Variants in PCDHA3 observed in about 807,000 individuals in gnomAD.
The protein encoded by PCDHA3 is protocadherin alpha-3.
A neutral mutation model predicts 62.2 loss-of-function variants in PCDHA3; 41 were observed. The ratio of observed to expected loss-of-function variants is 0.66; its 90% CI spans 0.51 to 0.86. The LOEUF (loss-of-function observed/expected upper bound fraction) is 0.86, where lower values mean the gene tolerates loss of function less well. Ranked by LOEUF, PCDHA3 falls within the 40% of genes least tolerant of loss-of-function variation. PCDHA3 has a pLI of 0.00. For synonymous variants in PCDHA3, 640 were observed against 555.4 expected, an observed-to-expected ratio of 1.15 and a Z score of -2.14; for missense variants, 1,304 against 1,241.2, an observed-to-expected ratio of 1.05 and a Z score of -0.76.
Position 140,832,211 on chromosome 5 carries a change from A to G in PCDHA3, c.2394+28620A>G, listed in dbSNP as rs143111478. 2.9e-3 allele frequency among the ~76,000 whole-genome samples: 436 copies of G among 152,312 alleles called. 3 individuals are homozygous for G. Among genetic ancestry groups the G allele is most frequent in the Middle Eastern group, 0.014 (4 of 294 alleles). Reference sequence around the variant, plus strand: ...CATTTAACCTGCTGAGTCCTCAGTGATTTCCTGGAGTTGGTTTTGACTTTT... The same window carrying G: ...CATTTAACCTGCTGAGTCCTCAGTGGTTTCCTGGAGTTGGTTTTGACTTTT... On this transcript the variant is annotated intron_variant, in intron 1 of 3. Coordinates refer to ENST00000522353, the MANE Select transcript of PCDHA3 (RefSeq NM_018906.3).
chr5:141,002,146 CT>C (rs2098061512), intron 3 of PCDHA3, among the ~76,000 whole-genome samples: 1 of 152,250 alleles, frequency 6.6e-6, no homozygotes, highest in Admixed American at 6.5e-5. Flanking sequence ...GCTGCACTGA[CT>C]TAGCAGAGTG....
intron 1 of PCDHA3, chr5:140,803,902 G>A (rs148942998): frequency 1.9e-5 from 10 of 521,974 alleles, no homozygotes; most frequent in Non-Finnish European, 3.4e-5. Flanking sequence ...ATTATTTAGA[G>A]AATCTGACTT....
chr5:140,977,564 A>G (rs2096766034), intron 1 of PCDHA3, among the ~76,000 whole-genome samples: 1 of 152,178 alleles, frequency 6.6e-6, no homozygotes, highest in African/African-American at 2.4e-5. Flanking sequence ...TTGCTAGCAG[A>G]TTGGTAGAAT....
chr5:140,803,714 A>C (rs782118084), intron 1 of PCDHA3, 123 bp downstream of exon 1: 1 of 1,505,762 alleles, frequency 6.6e-7, no homozygotes, highest in East Asian at 2.3e-5. Context: ...AGACTTTTCC[A>C]GTTTTGTGGT....
intron 1 of PCDHA3, among the ~76,000 whole-genome samples, chr5:140,818,377 G>A (rs2150101074): frequency 2.0e-5 from 3 of 152,204 alleles, no homozygotes; most frequent in Non-Finnish European, 2.9e-5. Context: ...AACTTGAATC[G>A]TGGCATTTTT....
chr5:140,842,983 C>T (rs1554139609), intron 1 of PCDHA3: 2 of 1,594,998 alleles, frequency 1.3e-6, no homozygotes, highest in East Asian at 2.2e-5. Context: ...TGCAGGTGTT[C>T]GTGCTGGACG....
At position 140,803,330 on chromosome 5, in the gene PCDHA3, G is replaced by C; in HGVS notation, c.2133G>C (p.Leu711Phe). ...CCATCTGCGCGGTGTCCAGTCTGTT[G>C]GTGCTCACACTGCTGCTATATACTG... ...IVAICAVSSL[L>F]VLTLLLYTAL... The change falls in exon 1 of 4, where the codon TTG becomes TTC. Residue 711 changes from leucine (L) to phenylalanine (F), a missense_variant. By Grantham distance (22) the Leu-to-Phe change is conservative. Transcript: ENST00000522353. 1.2e-6 allele frequency: 2 copies of C among 1,614,190 alleles called. No homozygotes were observed. The highest frequency in any genetic ancestry group is 1.7e-6 in the Non-Finnish European group (2 of 1,180,002).
chr5:140,823,502 T>A, intron 1 of PCDHA3: 23 of 1,613,260 alleles, frequency 1.4e-5, no homozygotes, highest in Non-Finnish European at 1.9e-5. Context: ...GGCGGCGCAG[T>A]GAGCGAGCTG....
chr5:140,961,255 C>G (rs1446798989), intron 1 of PCDHA3, among the ~76,000 whole-genome samples: 1 of 152,164 alleles, frequency 6.6e-6, no homozygotes, highest in African/African-American at 2.4e-5. Context: ...TCCGAAGCTC[C>G]AGGAAGCTTC....
At chr5:140,863,034 A>G (rs782534693) in intron 1 of PCDHA3, 1 of 557,696 alleles carries the variant, frequency 1.8e-6, no homozygotes, top group African/African-American at 1.9e-5. Context: ...CAACAGCTGC[A>G]TCTGTCAGCT....
At chr5:140,954,623 G>C (rs1277762311) in intron 1 of PCDHA3, among the ~76,000 whole-genome samples, 2 of 151,776 alleles carry the variant, frequency 1.3e-5, no homozygotes, top group African/African-American at 4.8e-5. Flanking sequence ...GGCTTGTTTG[G>C]GTTTTTCTTG....
At chr5:140,824,330 T>C in intron 1 of PCDHA3, 1 of 642,460 alleles carries the variant, frequency 1.6e-6, no homozygotes, top group Non-Finnish European at 2.7e-6. Context: ...TTCTGTGATA[T>C]TAAGTGTTTT....
chr5:140,832,402 T>C (rs1771970001), intron 1 of PCDHA3, among the ~76,000 whole-genome samples: 1 of 152,248 alleles, frequency 6.6e-6, no homozygotes. Context: ...GTAGTGGTAT[T>C]TTCTGTTTTC....
Position 140,802,499 on chromosome 5 carries a change from A to G in PCDHA3, c.1302A>G (p.Ser434=), listed in dbSNP as rs1554122168. Residue 434 remains serine, a synonymous_variant, in exon 1 of 4, where the codon TCA becomes TCG. Transcript: ENST00000522353. ...VVTARDGGSP[S]LWATASVSVE... Reference sequence around the variant, plus strand: ...CTGCTCGGGACGGGGGCTCGCCTTCACTGTGGGCCACGGCCAGCGTGTCCG... The same window carrying G: ...CTGCTCGGGACGGGGGCTCGCCTTCGCTGTGGGCCACGGCCAGCGTGTCCG... 6.2e-7 allele frequency: 1 copy of G among 1,614,136 alleles called. No individual in the cohort carries two copies. The highest frequency in any genetic ancestry group is 1.1e-5 in the South Asian group (1 of 91,072).
At chr5:141,006,382 T>A (rs2098271166) in intron 3 of PCDHA3, among the ~76,000 whole-genome samples, 1 of 151,910 alleles carries the variant, frequency 6.6e-6, no homozygotes, top group African/African-American at 2.4e-5. Context: ...CGGCTAAGTT[T>A]TTTCTATTTT....
At chr5:140,990,507 T>C (rs1554251511) in intron 3 of PCDHA3, among the ~76,000 whole-genome samples, 1 of 152,158 alleles carries the variant, frequency 6.6e-6, no homozygotes, top group East Asian at 1.9e-4. Context: ...CCCCAAGTCT[T>C]CTCTCTTGTC....
chr5:140,825,633 G>T (rs1476004064), intron 1 of PCDHA3: 1 of 151,844 alleles, frequency 6.6e-6, no homozygotes, highest in Non-Finnish European at 1.5e-5. Context: ...TGTTGGTCAT[G>T]GTGGTCTCGA....
intron 1 of PCDHA3, among the ~76,000 whole-genome samples, chr5:140,947,308 A>G (rs1554218155): frequency 1.3e-5 from 2 of 151,606 alleles, no homozygotes; most frequent in Non-Finnish European, 3.0e-5. Context: ...ACATCTTTGT[A>G]AAAAGTCGGT....
rs149312681 is a variant in PCDHA3, at chr5:140,802,449, G to T, written c.1252G>T (p.Val418Leu). 3.1e-6 allele frequency: 5 copies of T among 1,614,202 alleles called. No homozygotes were observed. Among genetic ancestry groups the T allele is most frequent in the East Asian group, 2.2e-5 (1 of 44,890 alleles). ...VLDSPLDRES[V>L]SAYELVVTAR... Reference sequence around the variant, plus strand: ...GGACAGCCCTCTGGACCGCGAGAGCGTGTCGGCCTATGAGCTGGTGGTGAC... The same window carrying T: ...GGACAGCCCTCTGGACCGCGAGAGCTTGTCGGCCTATGAGCTGGTGGTGAC... The change falls in exon 1 of 4, where the codon GTG becomes TTG. Residue 418 changes from valine to leucine, a missense_variant. Val to Leu is a conservative substitution (Grantham distance 32). Transcript: ENST00000522353.
Sources: allele counts gnomAD v4.1 joint callset (sites outside exome capture counted in the v4.1 genomes callset), GRCh38; gene constraint gnomAD v4.1.1; transcripts MANE v1.5; gene names NCBI Gene and HGNC (gene_info 2026-07-23, HGNC 2026-07-21).